The following KLF9 variants were observed in gnomAD, a reference collection of about 807,000 sequenced individuals.
KLF9 encodes KLF transcription factor 9.
In KLF9, 2 loss-of-function variants were observed where a neutral mutation model predicts 17.3. That is an observed-to-expected ratio of 0.12 (90% CI 0.05 to 0.36). The LOEUF (loss-of-function observed/expected upper bound fraction) is 0.36. Among genes scored for constraint, KLF9 ranks in the 10% least tolerant of loss-of-function variants. The probability of loss-of-function intolerance (pLI) is 1.00; values close to 1 mark genes in which losing one functional copy is unlikely to be tolerated. For synonymous variants in KLF9, 138 were observed against 139.2 expected (o/e 0.99, Z 0.06); for missense variants, 226 against 333.2 (o/e 0.68, Z 2.51).
chr9:70,402,316 G>T (rs1011662202), intron 1 of KLF9, among the ~76,000 whole-genome samples: 2 of 152,154 alleles, frequency 1.3e-5, no homozygotes, highest in African/African-American at 4.8e-5. Flanking sequence ...TTGTTAAGTT[G>T]TTTTTAAGCT....
chr9:70,390,133 T>C (rs1243842502), intron 1 of KLF9, among the ~76,000 whole-genome samples: 2 of 152,226 alleles, frequency 1.3e-5, no homozygotes, highest in Non-Finnish European at 2.9e-5. Context: ...ATGAAGGCTC[T>C]CTGCTGTTTT....
At chr9:70,407,435 T>C (rs2037263661) in intron 1 of KLF9, among the ~76,000 whole-genome samples, 1 of 152,078 alleles carries the variant, frequency 6.6e-6, no homozygotes. Flanking sequence ...ACCCCTCCCC[T>C]CTCTCTTCTC....
At chr9:70,397,280 T>C (rs147988829) in intron 1 of KLF9, among the ~76,000 whole-genome samples, 1 of 152,002 alleles carries the variant, frequency 6.6e-6, no homozygotes, top group Non-Finnish European at 1.5e-5. Flanking sequence ...GTTGAGACCA[T>C]CCTGGCCAAC....
chr9:70,400,584 A>G (rs58636893), intron 1 of KLF9, among the ~76,000 whole-genome samples: 320 of 152,354 alleles, frequency 2.1e-3, no homozygotes, highest in African/African-American at 7.2e-3. Flanking sequence ...CCCCAGCAGC[A>G]GAAATGGAGA....
Position 70,385,301 on chromosome 9 carries a change from T to A in KLF9, c.*2475A>T, listed in dbSNP as rs1257153801. 1 of 152,626 alleles carries A rather than the reference T, an allele frequency of 6.6e-6. No homozygotes were observed. Among genetic ancestry groups the A allele is most frequent in the African/African-American group, 2.4e-5 (1 of 41,450 alleles). 9.5% of individuals were successfully genotyped at this position (152,626 alleles called of 1,614,324 possible). A position where few individuals can be genotyped will look rare whatever the true frequency, so the allele number is the denominator to read the frequency against. On this transcript the variant is annotated 3_prime_UTR_variant, in exon 2 of 2. Coordinates refer to ENST00000377126, the MANE Select transcript of KLF9 (RefSeq NM_001206.4). ...GAATGCTGGTTCCTGTTTTGTGACATTTTAAAACAGGATTTAATCACAAAG... is the reference window on the plus strand; with the variant it reads ...GAATGCTGGTTCCTGTTTTGTGACAATTTAAAACAGGATTTAATCACAAAG...
chr9:70,406,291 G>A (rs2037254173), intron 1 of KLF9, among the ~76,000 whole-genome samples: 1 of 152,176 alleles, frequency 6.6e-6, no homozygotes, highest in Admixed American at 6.5e-5. Flanking sequence ...AGATTACACA[G>A]TATGACCACT....
At chr9:70,412,160 G>A (rs75136270) in intron 1 of KLF9, among the ~76,000 whole-genome samples, 3,459 of 143,666 alleles carry the variant, frequency 0.024, 60 homozygotes, top group Middle Eastern at 0.06. Flanking sequence ...ATTCAGGGGT[G>A]GAGGGTGCGA....
At chr9:70,410,566 A>G (rs981158609) in intron 1 of KLF9, among the ~76,000 whole-genome samples, 12 of 152,214 alleles carry the variant, frequency 7.9e-5, no homozygotes, top group Non-Finnish European at 1.6e-4. Flanking sequence ...ATGTGTCTCT[A>G]TAAGGAAGTG....
chr9:70,386,607 T>A lies in KLF9; in HGVS notation c.*1169A>T, dbSNP rs78561832. On this transcript the variant is annotated 3_prime_UTR_variant, in exon 2 of 2. Transcript: ENST00000377126. Reference sequence around the variant, plus strand: ...ACAGGAAGGAGACCAACAAACCTTTTTCCCCAAAAAATAGGTGTTTCCAGA... The same window carrying A: ...ACAGGAAGGAGACCAACAAACCTTTATCCCCAAAAAATAGGTGTTTCCAGA... 0.087 allele frequency: 13,340 copies of A among 152,650 alleles called. 810 individuals carry two copies. The highest frequency in any genetic ancestry group is 0.21 in the East Asian group (1,100 of 5,168). The allele number at this position is 152,650 out of a possible 1,614,324, so 9.5% of individuals were successfully genotyped here. A position where few individuals can be genotyped will look rare whatever the true frequency, so the allele number is the denominator to read the frequency against.
rs1196858583 is a variant in KLF9 at position 70,413,112 on chromosome 9, G to C, written c.252C>G (p.Asp84Glu). 6.2e-7 allele frequency: 1 copy of C among 1,614,234 alleles called. No homozygotes were observed. The highest frequency in any genetic ancestry group is 1.1e-5 in the South Asian group (1 of 91,088). Reference sequence around the variant, plus strand: ...TATCCTCATCTGGACTTTCCAGACTGTCGCTGCACACGGAGGGGGTCTGGA... The same window carrying C: ...TATCCTCATCTGGACTTTCCAGACTCTCGCTGCACACGGAGGGGGTCTGGA... ...RPIQTPSVCS[D>E]SLESPDEDMG... The change falls in exon 1 of 2, where the codon GAC becomes GAG. Residue 84 changes from aspartate (D) to glutamate (E), a missense_variant. Transcript: ENST00000377126. This position sits in a 1 kb window ranked among gnomAD's most constrained non-coding sequence, Gnocchi z 5.6.
intron 1 of KLF9, among the ~76,000 whole-genome samples, chr9:70,406,868 G>A (rs2037258985): frequency 6.9e-6 from 1 of 144,612 alleles, no homozygotes; most frequent in Admixed American, 7.2e-5. Flanking sequence ...CCAAGCCTGA[G>A]AACAGCCAAA....
chr9:70,394,716 T>C (rs2037173198), intron 1 of KLF9, among the ~76,000 whole-genome samples: 1 of 152,212 alleles, frequency 6.6e-6, no homozygotes, highest in Non-Finnish European at 1.5e-5. Context: ...AAAGGTGCAT[T>C]CACAGATGTA....
intron 1 of KLF9, among the ~76,000 whole-genome samples, chr9:70,409,024 A>G (rs7388809): frequency 0.025 from 2,349 of 93,092 alleles, 69 homozygotes; most frequent in African/African-American, 0.048. Flanking sequence ...ACATATATGT[A>G]TATATATATA....
rs1001244949 is a variant in KLF9 at position 70,413,369 on chromosome 9, G to A, written c.-6C>T. On this transcript the variant is annotated 5_prime_UTR_variant, in exon 1 of 2. Transcript: ENST00000377126. This position sits in a 1 kb window ranked among gnomAD's most constrained non-coding sequence, Gnocchi z 5.6. ...ATGTAGGCGGCCGCGGACATGGTGCGGGCGACGGCAGCCCAGGCGGCGCGG... is the reference window on the plus strand; with the variant it reads ...ATGTAGGCGGCCGCGGACATGGTGCAGGCGACGGCAGCCCAGGCGGCGCGG... 6.6e-7 allele frequency: 1 copy of A among 1,509,444 alleles called. No homozygotes were observed. The highest frequency in any genetic ancestry group is 8.8e-7 in the Non-Finnish European group (1 of 1,130,758). The allele number at this position is 1,509,444 out of a possible 1,614,324, so 93.5% of individuals were successfully genotyped here.
chr9:70,410,264 A>G (rs766539668), intron 1 of KLF9, among the ~76,000 whole-genome samples: 28 of 152,244 alleles, frequency 1.8e-4, no homozygotes, highest in Non-Finnish European at 3.8e-4. Context: ...TCTGATTTTT[A>G]GATGTTGGTA....
intron 1 of KLF9, among the ~76,000 whole-genome samples, chr9:70,401,484 G>A (rs111920692): frequency 0.023 from 3,450 of 151,882 alleles, 62 homozygotes; most frequent in Non-Finnish European, 0.032. Context: ...TCAGAAGTTC[G>A]AGACCATCCT....
intron 1 of KLF9, among the ~76,000 whole-genome samples, chr9:70,402,121 C>A (rs1233008097): frequency 5.3e-5 from 8 of 152,156 alleles, no homozygotes; most frequent in Non-Finnish European, 8.8e-5. Flanking sequence ...ACACTGGGAA[C>A]CCCCCGCTTC....
rs1587737494 is a variant in KLF9 at position 70,387,576 on chromosome 9, T to C, written c.*200A>G. 2 of 584,876 alleles carry C rather than the reference T, an allele frequency of 3.4e-6. No individual in the cohort carries two copies. Among genetic ancestry groups the C allele is most frequent in the Non-Finnish European group, 6.1e-6 (2 of 327,186 alleles). 36.2% of individuals were successfully genotyped at this position (584,876 alleles called of 1,614,324 possible). A position where few individuals can be genotyped will look rare whatever the true frequency, so the allele number is the denominator to read the frequency against. ...GTTGCCTCTTCAAGGGGACCGAGTG[T>C]TGTTGACTTTGATCTTAGGCTACAA... On this transcript the variant is annotated 3_prime_UTR_variant, in exon 2 of 2. Coordinates refer to ENST00000377126, the MANE Select transcript of KLF9 (RefSeq NM_001206.4).
At chr9:70,391,508 G>A (rs1235940322) in intron 1 of KLF9, among the ~76,000 whole-genome samples, 2 of 152,058 alleles carry the variant, frequency 1.3e-5, no homozygotes, top group Admixed American at 6.6e-5. Context: ...ACAGAGCCCC[G>A]AGAAAATCAA....
Sources: allele counts gnomAD v4.1 joint callset (sites outside exome capture counted in the v4.1 genomes callset), GRCh38; gene constraint gnomAD v4.1.1; non-coding constraint Gnocchi (gnomAD v3.1); transcripts MANE v1.5; gene names NCBI Gene and HGNC (gene_info 2026-07-23, HGNC 2026-07-21).